Variants in PLD3 observed in about 807,000 individuals in gnomAD.
PLD3 encodes 5'-3' exonuclease PLD3.
A neutral mutation model predicts 58.4 loss-of-function variants in PLD3; 31 were observed. The observed-to-expected ratio is 0.53, with a 90% CI of 0.40 to 0.72. The LOEUF (loss-of-function observed/expected upper bound fraction) is 0.72. Among genes scored for constraint, PLD3 ranks in the 30% least tolerant of loss-of-function variants. The pLI is 0.00. For synonymous variants in PLD3, 264 were observed against 273.4 expected (o/e 0.97, Z 0.34); for missense variants, 595 against 659.8 (o/e 0.90, Z 1.08).
At position 40,371,618 on chromosome 19, in the gene PLD3, T is replaced by TA. The variant is rs1217500089; in HGVS notation, c.679-55_679-54insA. The stretch of plus-strand genomic sequence containing the variant: ...CAGAGACCAGACTGGGGAGTGTCCC[T>TA]GTCATCTGTGAGCACTAGGCCGCTA... On this transcript the variant is annotated intron_variant, in intron 8 of 12. Transcript: ENST00000409735. 1.9e-5 allele frequency: 23 copies of TA among 1,229,000 alleles called. 1 individual carries two copies. The highest frequency in any genetic ancestry group is 3.8e-4 in the Middle Eastern group (2 of 5,246). The allele number at this position is 1,229,000 out of a possible 1,614,324, so 76.1% of individuals were successfully genotyped here.
rs2078929661 is a variant in PLD3, at chr19:40,366,645, G to A, written c.63G>A (p.Leu21=). The A allele has an allele frequency of 1.9e-6, 3 of 1,590,708 alleles. No individual in the cohort carries two copies. In the Admixed American group the frequency reaches 5.2e-5, roughly 28 times the overall value. Reference sequence around the variant, plus strand: ...CTGCAGAGGAGCCCGCCAATGAGCTGCCCATGAATGAGATTGAGGCGTGGA... The same window carrying A: ...CTGCAGAGGAGCCCGCCAATGAGCTACCCATGAATGAGATTGAGGCGTGGA... ...KVPAEEPANE[L]PMNEIEAWKA... Residue 21 remains leucine, a synonymous_variant, in exon 4 of 13, where the codon CTG becomes CTA. Transcript: ENST00000409735.
chr19:40,377,637 C>T (rs2079267863), intron 11 of PLD3, 149 bp from the exon 12 acceptor site: 1 of 631,212 alleles, frequency 1.6e-6, no homozygotes, highest in East Asian at 2.7e-5. Context: ...TCAGAGGGCC[C>T]CTCCACCTGG....
intron 1 of PLD3, among the ~76,000 whole-genome samples, chr19:40,353,816 G>T (rs2078580387): frequency 1.3e-5 from 2 of 151,990 alleles, no homozygotes; most frequent in Admixed American, 6.6e-5. Context: ...CTGACCTCAT[G>T]ATCCGCCCGC....
intron 1 of PLD3, among the ~76,000 whole-genome samples, chr19:40,354,877 G>C (rs566919672): frequency 2.6e-4 from 39 of 149,890 alleles, no homozygotes; most frequent in African/African-American, 9.3e-4. Flanking sequence ...TCACTCTGTC[G>C]CCCAGGCTAC....
At chr19:40,351,586 G>T (rs189450606) in intron 1 of PLD3, among the ~76,000 whole-genome samples, 1 of 152,260 alleles carries the variant, frequency 6.6e-6, no homozygotes, top group Non-Finnish European at 1.5e-5. Flanking sequence ...GCCCTCTGGG[G>T]GAACAGCATG....
intron 11 of PLD3, 136 bp downstream of exon 11, chr19:40,376,910 G>A (rs1442558017): frequency 2.3e-6 from 2 of 858,908 alleles, no homozygotes; most frequent in East Asian, 5.4e-5. Flanking sequence ...ATGGGTCAGG[G>A]CCAGGGTCAT....
At chr19:40,356,947 C>T (rs987343535) in intron 1 of PLD3, 1 of 152,186 alleles carries the variant, frequency 6.6e-6, no homozygotes, top group African/African-American at 2.4e-5. Context: ...AAGTGTTTAT[C>T]ATTCATGATG....
At chr19:40,373,883 G>A (rs1357757457) in intron 9 of PLD3, among the ~76,000 whole-genome samples, 1 of 151,892 alleles carries the variant, frequency 6.6e-6, no homozygotes. Flanking sequence ...CAGCTACTTG[G>A]GAGGCTGAGG....
At chr19:40,349,704 A>T (rs192492096) in intron 1 of PLD3, among the ~76,000 whole-genome samples, 1 of 152,274 alleles carries the variant, frequency 6.6e-6, no homozygotes, top group East Asian at 1.9e-4. Context: ...CATGCCTGTA[A>T]TCCCAGCACT....
At chr19:40,351,319 A>G (rs2078509731) in intron 1 of PLD3, among the ~76,000 whole-genome samples, 1 of 152,028 alleles carries the variant, frequency 6.6e-6, no homozygotes, top group African/African-American at 2.4e-5. Flanking sequence ...CAAGGCTGGC[A>G]GATCACCTGA....
At chr19:40,370,386 AT>A in intron 8 of PLD3, 149 bp downstream of exon 8, 2 of 811,784 alleles carry the variant, frequency 2.5e-6, no homozygotes, top group Non-Finnish European at 3.9e-6. Context: ...GGCCTCCCTA[AT>A]CCAAGCCATG....
At chr19:40,360,133 A>G (rs1374424783) in intron 1 of PLD3, 1 of 152,214 alleles carries the variant, frequency 6.6e-6, no homozygotes, top group Admixed American at 6.6e-5. Flanking sequence ...GACACCTCCA[A>G]TCCTTGCAGT....
chr19:40,368,149 G>A (rs988546102), intron 6 of PLD3, among the ~76,000 whole-genome samples: 1 of 152,124 alleles, frequency 6.6e-6, no homozygotes, highest in Non-Finnish European at 1.5e-5. Context: ...TCACCCACAA[G>A]CTGTCCTGAC....
intron 1 of PLD3, among the ~76,000 whole-genome samples, chr19:40,354,996 G>A (rs1055323055): frequency 6.6e-6 from 1 of 151,276 alleles, no homozygotes; most frequent in Non-Finnish European, 1.5e-5. Flanking sequence ...ACACCACCAC[G>A]CCCTGCTAAT....
chr19:40,374,347 A>G (rs1329361732), intron 9 of PLD3, 134 bp from the exon 10 acceptor site: 2 of 879,532 alleles, frequency 2.3e-6, no homozygotes, highest in Non-Finnish European at 3.6e-6. Flanking sequence ...GTGGTGATTG[A>G]CCCTCTTCTT....
Position 40,369,985 on chromosome 19 carries a change from C to T in PLD3, c.507C>T (p.Ser169=), listed in dbSNP as rs779300090. 22 of 1,559,430 alleles carry T rather than the reference C, an allele frequency of 1.4e-5. No individual in the cohort carries two copies. The East Asian group carries it at 3.1e-4, about 22-fold the overall frequency. ...VNVRIAVSKP[S]GPQPQADLQA... is the part of the protein sequence containing the mutation. ...TCCGCATCGCTGTGAGCAAGCCCAG[C>T]GGGCCCCAGCCACAGGCGGACCTGC... is the stretch of plus-strand genomic sequence containing the variant. Residue 169 remains serine, a synonymous_variant, in exon 7 of 13, where the codon AGC becomes AGT. Coordinates refer to ENST00000409735, the MANE Select transcript of PLD3 (RefSeq NM_012268.4).
intron 6 of PLD3, 71 bp from the exon 7 acceptor site, chr19:40,369,832 AACTCC>A: frequency 7.3e-7 from 1 of 1,372,736 alleles, no homozygotes; most frequent in Non-Finnish European, 9.7e-7. Flanking sequence ...GTCTCAAAAT[AACTCC>A]ACCGGGCATT....
intron 9 of PLD3, 23 bp downstream of exon 9, chr19:40,371,896 C>T (rs1205174272): frequency 6.3e-7 from 1 of 1,583,754 alleles, no homozygotes; most frequent in African/African-American, 1.3e-5. Flanking sequence ...CAAGTGGGGC[C>T]TGTCATGTCC....
At chr19:40,372,945 C>T (rs530819514) in intron 9 of PLD3, among the ~76,000 whole-genome samples, 280 of 152,326 alleles carry the variant, frequency 1.8e-3, no homozygotes, top group Non-Finnish European at 3.2e-3. Context: ...TAGCAAGTGA[C>T]CACCATATTG....
Sources: gnomAD v4.1 joint callset for allele counts (sites outside exome capture counted in the v4.1 genomes callset) on GRCh38, gnomAD v4.1.1 for gene constraint, MANE v1.5 for transcripts, NCBI Gene and HGNC (gene_info 2026-07-23, HGNC 2026-07-21) for gene names.